The following MBP variants were observed in gnomAD, a reference collection of about 807,000 sequenced individuals.
The protein encoded by MBP is Golli-MBP.
MBP carries 16 observed loss-of-function variants against 35.8 expected under a neutral mutation model. The ratio of observed to expected loss-of-function variants is 0.45; its 90% CI spans 0.30 to 0.68. The LOEUF is 0.68. Among genes scored for constraint, MBP ranks in the 30% least tolerant of loss-of-function variants. MBP has a pLI of 0.08. For missense variants in MBP, 380 were observed against 404.7 expected (o/e 0.94, Z 0.52); for synonymous variants, 143 against 159.6 (o/e 0.90, Z 0.78).
intron 1 of MBP, among the ~76,000 whole-genome samples, chr18:77,129,881 A>C (rs1372407943): frequency 6.6e-6 from 1 of 151,858 alleles, no homozygotes; most frequent in African/African-American, 2.4e-5. Context: ...AAACAAAAAC[A>C]AACAAAAAAA....
At chr18:77,054,839 G>A (rs951119559) in intron 3 of MBP, among the ~76,000 whole-genome samples, 1 of 152,116 alleles carries the variant, frequency 6.6e-6, no homozygotes, top group Non-Finnish European at 1.5e-5. Context: ...TTAGCGGTGG[G>A]TAATGTCACC....
intron 4 of MBP, among the ~76,000 whole-genome samples, chr18:76,993,243 A>T (rs1361365659): frequency 2.0e-5 from 3 of 152,234 alleles, no homozygotes; most frequent in African/African-American, 7.2e-5. Context: ...TTTTGAATGC[A>T]TGAGGAATGA....
intron 2 of MBP, among the ~76,000 whole-genome samples, chr18:77,068,391 G>A (rs1240210188): frequency 1.4e-5 from 2 of 148,022 alleles, no homozygotes; most frequent in East Asian, 3.9e-4. Context: ...GCCAGGTTTA[G>A]CCCAGATGAC....
chr18:77,098,803 G>A (rs1353227275), intron 2 of MBP, among the ~76,000 whole-genome samples: 1 of 152,188 alleles, frequency 6.6e-6, no homozygotes, highest in Admixed American at 6.5e-5. Flanking sequence ...GGCCCTAAAC[G>A]GCCTCTGAGT....
chr18:77,098,962 C>T (rs1337289967), intron 2 of MBP, among the ~76,000 whole-genome samples: 1 of 151,682 alleles, frequency 6.6e-6, no homozygotes, highest in Admixed American at 6.6e-5. Flanking sequence ...CCTCCTTCCC[C>T]CTCCCTCTTC....
chr18:76,986,445 G>C (rs553870227), intron 7 of MBP: 1 of 985,526 alleles, frequency 1.0e-6, no homozygotes, highest in South Asian at 4.7e-5. Flanking sequence ...TGCACCCTCA[G>C]CCTCTGCTGG....
intron 1 of MBP, chr18:77,113,542 G>T (rs1976547341): frequency 6.6e-6 from 1 of 152,640 alleles, no homozygotes; most frequent in African/African-American, 2.4e-5. Context: ...AACATGCAGG[G>T]AAGTGGGAAG....
At chr18:77,108,008 C>A (rs777815593) in intron 1 of MBP, among the ~76,000 whole-genome samples, 1 of 152,186 alleles carries the variant, frequency 6.6e-6, no homozygotes, top group Non-Finnish European at 1.5e-5. Context: ...CCATCAGAGC[C>A]GTTAGTGGAA....
chr18:77,112,226 A>G (rs537719048), intron 1 of MBP, among the ~76,000 whole-genome samples: 7 of 152,000 alleles, frequency 4.6e-5, no homozygotes, highest in Admixed American at 2.6e-4. Flanking sequence ...CTCATTTCGG[A>G]GCTGAGGACA....
Position 76,997,582 on chromosome 18 carries a change from T to A in MBP, c.577-7522A>T, listed in dbSNP as rs535807856. Among the ~76,000 whole-genome samples, 4 of 152,356 alleles carry A rather than the reference T, an allele frequency of 2.6e-5. No individual in the cohort carries two copies. The East Asian group carries it at 7.7e-4, about 29-fold the overall frequency. ...TTATGTTCCTAAAGAGCTTTTGTGC[T>A]GAGCACGGGAAGAAAAGCCCAGGAG... On this transcript the variant is annotated intron_variant, in intron 4 of 8. Transcript: ENST00000355994.
At position 76,989,211 on chromosome 18, in the gene MBP, A is replaced by G. The variant is rs1969752291; in HGVS notation, c.682-299T>C. ...CTTGGGACACTGAGGGAGGCGGCGG[A>G]CTTTGCTTCACCGTGAGCCCTTTCC... On this transcript the variant is annotated intron_variant, in intron 5 of 8. Coordinates refer to ENST00000355994, the MANE Select transcript of MBP (RefSeq NM_001025101.2). The surrounding 1 kb of genome is among the most constrained non-coding windows in gnomAD (Gnocchi z 4.0). 2 of 585,672 alleles carry G rather than the reference A, an allele frequency of 3.4e-6. No individual in the cohort carries two copies. The allele number at this position is 585,672 out of a possible 1,614,324, so 36.3% of individuals were successfully genotyped here.
At chr18:76,994,208 T>G (rs372060810) in intron 4 of MBP, among the ~76,000 whole-genome samples, 2 of 152,196 alleles carry the variant, frequency 1.3e-5, no homozygotes, top group East Asian at 1.9e-4. Context: ...TAGCTCCTAC[T>G]CCAGTGGCCT....
chr18:77,060,473 G>GTTTTC (rs1973934788), intron 3 of MBP, among the ~76,000 whole-genome samples: 1 of 123,702 alleles, frequency 8.1e-6, no homozygotes. Context: ...TTTTTTATGA[G>GTTTTC]GCGGAGTTTT....
chr18:77,035,270 G>T (rs189108588), intron 3 of MBP, among the ~76,000 whole-genome samples: 1 of 152,166 alleles, frequency 6.6e-6, no homozygotes, highest in Non-Finnish European at 1.5e-5. Flanking sequence ...GTCCCGGGAC[G>T]TACACACTGC....
At chr18:77,026,499 A>T (rs1972230935) in intron 3 of MBP, among the ~76,000 whole-genome samples, 1 of 152,240 alleles carries the variant, frequency 6.6e-6, no homozygotes, top group Admixed American at 6.5e-5. Context: ...GGATGAGATG[A>T]TACTATCCTT....
At chr18:77,065,320 G>A (rs887635354) in intron 3 of MBP, among the ~76,000 whole-genome samples, 2 of 152,086 alleles carry the variant, frequency 1.3e-5, no homozygotes, top group Non-Finnish European at 2.9e-5. Context: ...TTAAGAGTTG[G>A]CTCAGGCCTC....
chr18:76,997,116 T>C (rs1970316190), intron 4 of MBP, among the ~76,000 whole-genome samples: 1 of 152,330 alleles, frequency 6.6e-6, no homozygotes, highest in African/African-American at 2.4e-5. Context: ...TCATCTGGCA[T>C]TGGATTGTCC....
rs1977235449 is a variant in MBP, at chr18:77,131,050, C to CA, written c.-26+1529dup. Among the ~76,000 whole-genome samples the CA allele has an allele frequency of 1.4e-5, 2 of 145,142 alleles. No homozygotes were observed. The highest frequency in any genetic ancestry group is 2.6e-5 in the African/African-American group (1 of 38,318). ...CAAAAAAAAAAAAAAAACAAAACCT[C>CA]AAAAAACAAAACACACACACGCGCG... On this transcript the variant is annotated intron_variant, in intron 1 of 8. Coordinates refer to ENST00000355994, the MANE Select transcript of MBP (RefSeq NM_001025101.2). This position sits in a 1 kb window ranked among gnomAD's most constrained non-coding sequence, Gnocchi z 5.5.
chr18:77,117,739 G>A (rs1390767141), intron 1 of MBP, among the ~76,000 whole-genome samples: 9 of 138,844 alleles, frequency 6.5e-5, no homozygotes, highest in African/African-American at 2.5e-4. Context: ...CTGAGCAGTG[G>A]GTTGGAGTGG....
Sources: allele counts gnomAD v4.1 joint callset (sites outside exome capture counted in the v4.1 genomes callset), GRCh38; gene constraint gnomAD v4.1.1; non-coding constraint Gnocchi (gnomAD v3.1); transcripts MANE v1.5; gene names NCBI Gene and HGNC (gene_info 2026-07-23, HGNC 2026-07-21).